Variants in FAAH2 observed in about 807,000 individuals in gnomAD.
FAAH2 encodes the protein fatty-acid amide hydrolase 2.
Under a neutral mutation model 36.9 loss-of-function variants are expected in FAAH2, and 60 were observed. The ratio of observed to expected loss-of-function variants is 1.63; its 90% CI spans 1.32 to 2.02. The LOEUF (loss-of-function observed/expected upper bound fraction) is 2.02, where lower values mean the gene tolerates loss of function less well. Ranked by LOEUF, FAAH2 falls within the 30% of genes most tolerant of loss-of-function variation. FAAH2 has a pLI of 0.00. For missense variants in FAAH2, 689 were observed against 397.5 expected, an observed-to-expected ratio of 1.73 and a Z score of -6.23; for synonymous variants, 214 against 143.8, an observed-to-expected ratio of 1.49 and a Z score of -3.49.
intron 10 of FAAH2, among the ~76,000 whole-genome samples, chrX:57,480,168 A>T (rs2057353991): frequency 9.0e-6 from 1 of 111,383 alleles, no homozygotes; most frequent in African/African-American, 3.3e-5. Context: ...TTCACAGCCG[A>T]ATTCTACCAG....
At chrX:57,271,081 C>T in the FAAH2 span, among the ~76,000 whole-genome samples, 4 of 112,555 alleles carry the variant, frequency 3.6e-5, no homozygotes, top group Non-Finnish European at 5.6e-5. Flanking sequence ...AATCCAGTGG[C>T]TTGAAATTCT....
intron 5 of FAAH2, among the ~76,000 whole-genome samples, chrX:57,349,871 T>C (rs778892035): frequency 9.0e-6 from 1 of 110,750 alleles, no homozygotes; most frequent in Non-Finnish European, 1.9e-5. Context: ...TTCCCAAGTC[T>C]ACCAAGAGGT....
intron 2 of FAAH2, among the ~76,000 whole-genome samples, chrX:57,306,689 C>CTT: frequency 2.8e-5 from 1 of 36,275 alleles, no homozygotes; most frequent in African/African-American, 8.8e-5. Flanking sequence ...CTAGCAACAT[C>CTT]TTGTGTGTGT....
chrX:57,255,610 G>T, the FAAH2 span, among the ~76,000 whole-genome samples: 2 of 111,805 alleles, frequency 1.8e-5, no homozygotes, highest in East Asian at 2.8e-4. Flanking sequence ...GGGATGCAAG[G>T]TTGGTCCAAC....
At chrX:57,442,838 G>A (rs1471780167) in intron 8 of FAAH2, among the ~76,000 whole-genome samples, 4 of 111,187 alleles carry the variant, frequency 3.6e-5, no homozygotes, top group Non-Finnish European at 5.7e-5. Flanking sequence ...TTGCTTGTCT[G>A]TAAAGGATTT....
At chrX:57,355,787 CACTT>C (rs988065007) in intron 5 of FAAH2, among the ~76,000 whole-genome samples, 5 of 110,646 alleles carry the variant, frequency 4.5e-5, no homozygotes, top group African/African-American at 1.6e-4. Flanking sequence ...TTATTTTTGT[CACTT>C]AATTATTCTG....
At chrX:57,178,078 C>T in the FAAH2 span, among the ~76,000 whole-genome samples, 1 of 111,608 alleles carries the variant, frequency 9.0e-6, no homozygotes, top group Non-Finnish European at 1.9e-5. Flanking sequence ...TACAAGGAAT[C>T]CAGTAATGTG....
At chrX:57,412,673 G>A (rs774852942) in intron 7 of FAAH2, among the ~76,000 whole-genome samples, 8 of 111,954 alleles carry the variant, frequency 7.1e-5, no homozygotes, top group Non-Finnish European at 1.3e-4. Flanking sequence ...GAACAGTGCT[G>A]CAATAAACAT....
At chrX:57,196,913 C>T in the FAAH2 span, among the ~76,000 whole-genome samples, 1 of 111,423 alleles carries the variant, frequency 9.0e-6, no homozygotes, top group Non-Finnish European at 1.9e-5. Flanking sequence ...TGTATTTGGA[C>T]GTCTGCATCT....
upstream of FAAH2, among the ~76,000 whole-genome samples, chrX:57,283,807 A>G (rs1457554382): frequency 8.9e-6 from 1 of 111,870 alleles, no homozygotes; most frequent in East Asian, 2.8e-4. Flanking sequence ...TGCAGCTGCA[A>G]TGGCAGAGAA....
intron 10 of FAAH2, among the ~76,000 whole-genome samples, chrX:57,477,865 C>T (rs1386197127): frequency 8.9e-6 from 1 of 111,970 alleles, no homozygotes; most frequent in Non-Finnish European, 1.9e-5. Flanking sequence ...ATGTGTGCCA[C>T]ATTTTCTTAA....
intron 2 of FAAH2, among the ~76,000 whole-genome samples, chrX:57,305,978 G>A (rs2052511652): frequency 8.9e-6 from 1 of 112,026 alleles, no homozygotes; most frequent in Non-Finnish European, 1.9e-5. Context: ...CTTGGATGAG[G>A]CTCACATCCA....
intron 2 of FAAH2, among the ~76,000 whole-genome samples, chrX:57,295,984 C>A (rs1034721469): frequency 1.8e-5 from 2 of 112,460 alleles, no homozygotes; most frequent in East Asian, 5.7e-4. Context: ...CCCACCACAG[C>A]TCAAGGAGGC....
At chrX:57,424,863 T>G (rs1055361720) in intron 7 of FAAH2, among the ~76,000 whole-genome samples, 2 of 111,793 alleles carry the variant, frequency 1.8e-5, no homozygotes, top group African/African-American at 6.5e-5. Context: ...CACACCAACT[T>G]GGTAGCAATG....
chrX:57,220,862 C>T, the FAAH2 span, among the ~76,000 whole-genome samples: 1 of 111,983 alleles, frequency 8.9e-6, no homozygotes. Context: ...CCTTCCTGAG[C>T]TAGCCAAAAC....
chrX:57,256,894 G>A, the FAAH2 span, among the ~76,000 whole-genome samples: 2 of 111,788 alleles, frequency 1.8e-5, no homozygotes, highest in Non-Finnish European at 3.8e-5. Context: ...ATATGAACAG[G>A]CACTTCTCAA....
the FAAH2 span, among the ~76,000 whole-genome samples, chrX:57,272,790 A>C: frequency 8.9e-6 from 1 of 112,597 alleles, no homozygotes; most frequent in South Asian, 3.7e-4. Context: ...GTTACCAGCC[A>C]ATACAAAAAC....
chrX:57,200,036 C>T, the FAAH2 span, among the ~76,000 whole-genome samples: 1 of 110,970 alleles, frequency 9.0e-6, no homozygotes, highest in South Asian at 3.8e-4. Context: ...TTTTGTTATC[C>T]CTTCAGCTAA....
At chrX:57,240,857 G>A in the FAAH2 span, among the ~76,000 whole-genome samples, 1 of 112,384 alleles carries the variant, frequency 8.9e-6, no homozygotes, top group Non-Finnish European at 1.9e-5. Context: ...AGCCAGGCAG[G>A]GACCCTGGGA....
Sources: allele counts gnomAD v4.1 joint callset (sites outside exome capture counted in the v4.1 genomes callset), GRCh38; gene constraint gnomAD v4.1.1; transcripts MANE v1.5; gene names NCBI Gene and HGNC (gene_info 2026-07-23, HGNC 2026-07-21).